Variants in ASIP observed in about 807,000 individuals in gnomAD.
The protein encoded by ASIP is agouti-signaling protein.
In ASIP, 11 loss-of-function variants were observed where a neutral mutation model predicts 10.3. The observed-to-expected ratio is 1.07, with a 90% CI of 0.68 to 1.78. ASIP has a LOEUF of 1.78. Ranked by LOEUF, ASIP falls within the 40% of genes most tolerant of loss-of-function variation. The pLI, the probability that ASIP is intolerant of heterozygous loss-of-function variation, is 0.00. For missense variants in ASIP, 180 were observed against 169.2 expected (o/e 1.06, Z -0.35); for synonymous variants, 70 against 70.8 (o/e 0.99, Z 0.06).
intron 1 of ASIP, among the ~76,000 whole-genome samples, chr20:34,199,534 T>C (rs909717075): frequency 4.6e-5 from 7 of 152,238 alleles, no homozygotes; most frequent in African/African-American, 1.7e-4. Context: ...GGAATGCTTC[T>C]TTATTTTAAT....
At chr20:34,245,959 CT>C in intron 1 of ASIP, 2 of 1,494,002 alleles carry the variant, frequency 1.3e-6, no homozygotes, top group Non-Finnish European at 1.8e-6. Flanking sequence ...AAATTCACTT[CT>C]TTACTTCTCC....
intron 1 of ASIP, among the ~76,000 whole-genome samples, chr20:34,235,839 AAG>A (rs1568755917): frequency 1.6e-5 from 1 of 64,390 alleles, no homozygotes; most frequent in South Asian, 5.2e-4. Flanking sequence ...GAAAGAAAGA[AAG>A]AAGGAAGGAA....
At chr20:34,257,281 G>A (rs750597623) in intron 1 of ASIP, among the ~76,000 whole-genome samples, 3 of 151,734 alleles carry the variant, frequency 2.0e-5, no homozygotes, top group Non-Finnish European at 4.4e-5. Context: ...AGTAGAAACG[G>A]GGTTTCACCA....
chr20:34,237,009 C>G (rs554103283), upstream of ASIP, among the ~76,000 whole-genome samples: 1 of 152,244 alleles, frequency 6.6e-6, no homozygotes, highest in African/African-American at 2.4e-5. Flanking sequence ...TCAAAAATCA[C>G]TTGACCACAC....
chr20:34,250,563 T>G (rs2035457337), intron 1 of ASIP, among the ~76,000 whole-genome samples: 1 of 152,034 alleles, frequency 6.6e-6, no homozygotes, highest in South Asian at 2.1e-4. Flanking sequence ...TTTGGGAGGC[T>G]GAGGCGGGCG....
At chr20:34,255,253 T>G (rs1185163620) in intron 1 of ASIP, among the ~76,000 whole-genome samples, 3 of 152,246 alleles carry the variant, frequency 2.0e-5, no homozygotes, top group African/African-American at 7.2e-5. Context: ...ACTGGACTGT[T>G]GATTCAGCCC....
At chr20:34,226,910 A>G (rs1299223699) in intron 1 of ASIP, among the ~76,000 whole-genome samples, 1 of 152,142 alleles carries the variant, frequency 6.6e-6, no homozygotes, top group Non-Finnish European at 1.5e-5. Flanking sequence ...TTAAAGACCA[A>G]ATGTTTTCTT....
intron 1 of ASIP, among the ~76,000 whole-genome samples, chr20:34,233,210 T>G (rs1458707910): frequency 6.7e-6 from 1 of 148,378 alleles, no homozygotes; most frequent in Non-Finnish European, 1.5e-5. Flanking sequence ...TACAATGGTG[T>G]GATCTCAGCT....
chr20:34,186,995 C>G, the ASIP span, among the ~76,000 whole-genome samples: 1 of 152,010 alleles, frequency 6.6e-6, no homozygotes, highest in African/African-American at 2.4e-5. Flanking sequence ...AGTATTTTTA[C>G]TAGAGACGGG....
intron 1 of ASIP, among the ~76,000 whole-genome samples, chr20:34,221,522 A>G (rs2035047808): frequency 6.6e-6 from 1 of 152,186 alleles, no homozygotes; most frequent in South Asian, 2.1e-4. Context: ...TGAAATCAGC[A>G]GGATACGTAT....
intron 1 of ASIP, among the ~76,000 whole-genome samples, chr20:34,217,370 G>A (rs1277621354): frequency 3.3e-5 from 5 of 151,266 alleles, no homozygotes; most frequent in African/African-American, 9.7e-5. Context: ...CCTGGGAGGC[G>A]CAGGTTGCAG....
chr20:34,238,218 T>G (rs1331542377), upstream of ASIP, among the ~76,000 whole-genome samples: 2 of 152,172 alleles, frequency 1.3e-5, no homozygotes, highest in Non-Finnish European at 2.9e-5. Flanking sequence ...TAATCAATGT[T>G]TCTTCAAATA....
At chr20:34,220,305 T>G (rs1193038492) in intron 1 of ASIP, among the ~76,000 whole-genome samples, 2 of 150,496 alleles carry the variant, frequency 1.3e-5, no homozygotes, top group East Asian at 4.0e-4. Context: ...AAGTTAAAAG[T>G]AAGCACAGGG....
intron 1 of ASIP, among the ~76,000 whole-genome samples, chr20:34,201,169 A>C (rs577138220): frequency 6.6e-6 from 1 of 152,122 alleles, no homozygotes; most frequent in African/African-American, 2.4e-5. Flanking sequence ...TTCACATTGA[A>C]TATAGACAGG....
intron 1 of ASIP, among the ~76,000 whole-genome samples, chr20:34,205,497 C>T (rs1384998260): frequency 6.6e-6 from 1 of 151,202 alleles, no homozygotes; most frequent in Non-Finnish European, 1.5e-5. Flanking sequence ...TAGTGCAGAC[C>T]CAAAGGGTGA....
At chr20:34,263,097 G>A (rs1189446371) in intron 3 of ASIP, among the ~76,000 whole-genome samples, 1 of 152,296 alleles carries the variant, frequency 6.6e-6, no homozygotes. Flanking sequence ...AGTCCACTGA[G>A]CAAAATAGGT....
chr20:34,264,156 A>T (rs2035745317), intron 3 of ASIP, among the ~76,000 whole-genome samples: 1 of 152,220 alleles, frequency 6.6e-6, no homozygotes, highest in Non-Finnish European at 1.5e-5. Context: ...AAAAAATTAA[A>T]ATTTCCCAAA....
chr20:34,221,647 ATAC>A (rs746809890), intron 1 of ASIP, among the ~76,000 whole-genome samples: 48 of 152,244 alleles, frequency 3.2e-4, no homozygotes, highest in Non-Finnish European at 6.3e-4. Context: ...GATGTGGATG[ATAC>A]CAGGAGTCCT....
At chr20:34,268,257 C>A (rs1438460518) in intron 3 of ASIP, among the ~76,000 whole-genome samples, 2 of 152,136 alleles carry the variant, frequency 1.3e-5, no homozygotes, top group Non-Finnish European at 2.9e-5. Flanking sequence ...AAGCAGCAAG[C>A]TGTGGCAGCA....
Sources: allele counts gnomAD v4.1 joint callset (sites outside exome capture counted in the v4.1 genomes callset), GRCh38; gene constraint gnomAD v4.1.1; transcripts MANE v1.5; gene names NCBI Gene and HGNC (gene_info 2026-07-23, HGNC 2026-07-21).